The following FRMD4A variants were observed in gnomAD, a reference collection of about 807,000 sequenced individuals.
FRMD4A encodes the protein FERM domain containing 4A.
FRMD4A carries 29 observed loss-of-function variants against 129.1 expected under a neutral mutation model. That is an observed-to-expected ratio of 0.22 (90% CI 0.17 to 0.31). The LOEUF (loss-of-function observed/expected upper bound fraction) is 0.31, where lower values mean the gene tolerates loss of function less well. FRMD4A is among the 10% of genes least tolerant of loss of function. The pLI, the probability that FRMD4A is intolerant of heterozygous loss-of-function variation, is 1.00. For synonymous variants in FRMD4A, 634 were observed against 571.6 expected, an observed-to-expected ratio of 1.11 and a Z score of -1.56; for missense variants, 1,272 against 1,375.8, an observed-to-expected ratio of 0.92 and a Z score of 1.19.
At chr10:14,256,128 CCTAT>C (rs1286894614) in intron 2 of FRMD4A, among the ~76,000 whole-genome samples, 5 of 151,932 alleles carry the variant, frequency 3.3e-5, no homozygotes, top group African/African-American at 9.7e-5. Flanking sequence ...CATTTATGTT[CCTAT>C]CTACCAGCAA....
At chr10:14,171,295 G>A (rs923966381) in intron 2 of FRMD4A, among the ~76,000 whole-genome samples, 1 of 152,052 alleles carries the variant, frequency 6.6e-6, no homozygotes, top group Non-Finnish European at 1.5e-5. Context: ...CTGTGTCAGG[G>A]CCTGCCAGAA....
chr10:13,945,035 C>T (rs142797119), intron 2 of FRMD4A, among the ~76,000 whole-genome samples: 4 of 152,320 alleles, frequency 2.6e-5, no homozygotes, highest in African/African-American at 7.2e-5. Flanking sequence ...GTGATCGCCC[C>T]TCCGGTCTCT....
chr10:14,179,185 C>T (rs995084644), intron 2 of FRMD4A, among the ~76,000 whole-genome samples: 1 of 151,994 alleles, frequency 6.6e-6, no homozygotes, highest in Non-Finnish European at 1.5e-5. Flanking sequence ...TATTTAGGCC[C>T]CTTAGAGTCT....
intron 2 of FRMD4A, among the ~76,000 whole-genome samples, chr10:13,903,242 C>T (rs181934416): frequency 1.6e-4 from 25 of 152,242 alleles, no homozygotes; most frequent in African/African-American, 6.0e-4. Context: ...CCTCCTGCTC[C>T]CCCCGTTCCT....
rs150613069 is a variant in FRMD4A, at chr10:13,648,975, C to G, written c.*3-1940G>C. 4.3e-3 allele frequency among the ~76,000 whole-genome samples: 647 copies of G among 151,746 alleles called. 4 individuals carry two copies. Among genetic ancestry groups the G allele is most frequent in the African/African-American group, 0.015 (618 of 41,136 alleles). On this transcript the variant is annotated intron_variant, in intron 24 of 24. Transcript: ENST00000357447. Reference sequence around the variant, plus strand: ...TTTGAGGATTCTGCCTTTCAGAGGCCTGAAATGTAAATGTATATGAAACAT... The same window carrying G: ...TTTGAGGATTCTGCCTTTCAGAGGCGTGAAATGTAAATGTATATGAAACAT...
intron 2 of FRMD4A, among the ~76,000 whole-genome samples, chr10:14,181,034 A>T (rs1589135284): frequency 6.6e-6 from 1 of 152,244 alleles, no homozygotes; most frequent in Admixed American, 6.5e-5. Flanking sequence ...AAAGAACAGC[A>T]ATTGCCTAAA....
chr10:14,260,041 T>C (rs1470258980), intron 2 of FRMD4A, among the ~76,000 whole-genome samples: 4 of 139,490 alleles, frequency 2.9e-5, no homozygotes, highest in African/African-American at 1.1e-4. Context: ...AAAAAAAAAA[T>C]CCCATCTCCT....
intron 2 of FRMD4A, among the ~76,000 whole-genome samples, chr10:14,283,205 A>G (rs1329429148): frequency 6.6e-6 from 1 of 152,244 alleles, no homozygotes; most frequent in Non-Finnish European, 1.5e-5. Flanking sequence ...CGTAATTCTC[A>G]GCTAAATCGC....
At chr10:13,917,500 G>A (rs1187943440) in intron 2 of FRMD4A, among the ~76,000 whole-genome samples, 1 of 151,992 alleles carries the variant, frequency 6.6e-6, no homozygotes, top group Non-Finnish European at 1.5e-5. Flanking sequence ...ATGTTGGCCA[G>A]GCTGGTCTTG....
intron 2 of FRMD4A, among the ~76,000 whole-genome samples, chr10:14,251,358 G>A (rs1844434956): frequency 6.6e-6 from 1 of 152,108 alleles, no homozygotes; most frequent in African/African-American, 2.4e-5. Context: ...GCACCTCTAT[G>A]GGAGGTCCAC....
chr10:14,153,496 A>G (rs544149694), intron 2 of FRMD4A, among the ~76,000 whole-genome samples: 20 of 152,336 alleles, frequency 1.3e-4, no homozygotes, highest in Admixed American at 1.2e-3. Context: ...AGGCAACCGC[A>G]GCAACCAATC....
intron 2 of FRMD4A, among the ~76,000 whole-genome samples, chr10:14,002,409 C>T (rs950135148): frequency 6.6e-6 from 1 of 152,166 alleles, no homozygotes; most frequent in Non-Finnish European, 1.5e-5. Flanking sequence ...TGTACTGACA[C>T]GTAAGAGTGA....
intron 6 of FRMD4A, among the ~76,000 whole-genome samples, chr10:13,773,076 C>T (rs566974025): frequency 2.0e-5 from 3 of 152,290 alleles, no homozygotes; most frequent in Admixed American, 1.3e-4. Context: ...TAAATATAGA[C>T]ACCTACTATG....
At chr10:13,662,712 C>T (rs1298531718) in intron 19 of FRMD4A, among the ~76,000 whole-genome samples, 1 of 152,166 alleles carries the variant, frequency 6.6e-6, no homozygotes, top group Non-Finnish European at 1.5e-5. Flanking sequence ...TGTGTATCTA[C>T]TGGGATATCT....
chr10:14,278,645 G>A (rs1052385169), intron 2 of FRMD4A, among the ~76,000 whole-genome samples: 1 of 152,088 alleles, frequency 6.6e-6, no homozygotes, highest in Non-Finnish European at 1.5e-5. Flanking sequence ...TGGTTCTACG[G>A]GTAAGATGGG....
chr10:14,118,027 G>A (rs571693461), intron 2 of FRMD4A, among the ~76,000 whole-genome samples: 2 of 152,300 alleles, frequency 1.3e-5, no homozygotes, highest in African/African-American at 4.8e-5. Flanking sequence ...TTTAGAGGAT[G>A]GGGTGAGGCC....
At chr10:13,753,867 T>C (rs575924590) in intron 8 of FRMD4A, among the ~76,000 whole-genome samples, 7 of 152,298 alleles carry the variant, frequency 4.6e-5, no homozygotes, top group African/African-American at 1.7e-4. Flanking sequence ...CTGTTGCTAA[T>C]TGTTAAGTTA....
intron 2 of FRMD4A, among the ~76,000 whole-genome samples, chr10:13,867,468 C>T (rs1184174540): frequency 6.7e-6 from 1 of 149,854 alleles, no homozygotes; most frequent in African/African-American, 2.5e-5. Context: ...GCCATGTTGT[C>T]CAGGCTGCTC....
At chr10:13,944,050 C>T (rs577537691) in intron 2 of FRMD4A, among the ~76,000 whole-genome samples, 3 of 152,320 alleles carry the variant, frequency 2.0e-5, no homozygotes, top group African/African-American at 7.2e-5. Context: ...GACCATCTGT[C>T]CAGGTCTGTC....
Sources: gnomAD v4.1 joint callset for allele counts (sites outside exome capture counted in the v4.1 genomes callset) on GRCh38, gnomAD v4.1.1 for gene constraint, MANE v1.5 for transcripts, NCBI Gene and HGNC (gene_info 2026-07-23, HGNC 2026-07-21) for gene names.